IDO2: variants seen among roughly 807,000 people sequenced by gnomAD.
IDO2 encodes the protein indoleamine 2,3-dioxygenase-like 1 protein.
Under a neutral mutation model 45.1 loss-of-function variants are expected in IDO2, and 46 were observed. That is an observed-to-expected ratio of 1.02 (90% CI 0.80 to 1.30). The LOEUF is 1.30. Ranked by LOEUF, IDO2 falls within the 50% of genes most tolerant of loss-of-function variation. The pLI is 0.00. For synonymous variants in IDO2, 218 were observed against 184.9 expected, an observed-to-expected ratio of 1.18 and a Z score of -1.45; for missense variants, 544 against 491.8, an observed-to-expected ratio of 1.11 and a Z score of -1.00.
intron 9 of IDO2, among the ~76,000 whole-genome samples, chr8:40,009,176 G>C (rs555588997): frequency 6.6e-6 from 1 of 152,046 alleles, no homozygotes; most frequent in Non-Finnish European, 1.5e-5. Context: ...CACAGTGCCC[G>C]GCTAATTTTT....
At chr8:39,940,938 A>G (rs1177430271) in intron 1 of IDO2, among the ~76,000 whole-genome samples, 1 of 151,676 alleles carries the variant, frequency 6.6e-6, no homozygotes, top group Non-Finnish European at 1.5e-5. Context: ...TGAAAAAAAA[A>G]AAAAACTTTG....
At chr8:39,972,301 G>A (rs1808190593) in intron 3 of IDO2, among the ~76,000 whole-genome samples, 1 of 152,184 alleles carries the variant, frequency 6.6e-6, no homozygotes, top group Admixed American at 6.5e-5. Context: ...GGGTTTGAGA[G>A]GATTAACTGC....
intron 5 of IDO2, among the ~76,000 whole-genome samples, chr8:39,983,532 G>A (rs1365047287): frequency 6.6e-6 from 1 of 152,104 alleles, no homozygotes; most frequent in Non-Finnish European, 1.5e-5. Context: ...ACTTAAAAGG[G>A]TTACATATTT....
intron 5 of IDO2, among the ~76,000 whole-genome samples, chr8:39,983,792 G>A (rs2129594549): frequency 6.6e-6 from 1 of 152,142 alleles, no homozygotes; most frequent in East Asian, 1.9e-4. Flanking sequence ...CTTGAACGAA[G>A]GAAGTAGAGG....
At chr8:40,012,876 T>A (rs1232356932) in intron 9 of IDO2, among the ~76,000 whole-genome samples, 1 of 152,208 alleles carries the variant, frequency 6.6e-6, no homozygotes, top group Non-Finnish European at 1.5e-5. Context: ...AGGCTTACTC[T>A]GTGCTTCCTG....
At chr8:39,994,745 A>G (rs1449562635) in intron 8 of IDO2, among the ~76,000 whole-genome samples, 1 of 152,080 alleles carries the variant, frequency 6.6e-6, no homozygotes, top group African/African-American at 2.4e-5. Context: ...TCCTTCAGAA[A>G]TGACATTTAC....
intron 8 of IDO2, among the ~76,000 whole-genome samples, chr8:39,996,901 C>T (rs1469663476): frequency 6.6e-6 from 1 of 152,190 alleles, no homozygotes; most frequent in African/African-American, 2.4e-5. Context: ...ATAACTAAAA[C>T]TACATTAACA....
intron 8 of IDO2, among the ~76,000 whole-genome samples, chr8:39,993,221 CAT>C (rs953331694): frequency 4.1e-4 from 62 of 152,118 alleles, no homozygotes; most frequent in Middle Eastern, 3.4e-3. Flanking sequence ...ATTATTAAGA[CAT>C]GTGTTTTTTT....
chr8:39,968,978 C>T (rs888045157), intron 3 of IDO2, among the ~76,000 whole-genome samples: 6 of 151,150 alleles, frequency 4.0e-5, no homozygotes, highest in Non-Finnish European at 5.9e-5. Flanking sequence ...GGGAAAGGAA[C>T]GGACTTAAAT....
intron 10 of IDO2, 31 bp from the exon 11 acceptor site, chr8:40,015,216 C>G: frequency 8.1e-7 from 1 of 1,228,778 alleles, no homozygotes. Context: ...CCATGTGGAG[C>G]TATGACGTTA....
chr8:40,009,408 C>T (rs1195453746), intron 9 of IDO2, among the ~76,000 whole-genome samples: 6 of 150,668 alleles, frequency 4.0e-5, no homozygotes, highest in Non-Finnish European at 8.8e-5. Flanking sequence ...TTCCCACACA[C>T]ATTCAATTTC....
At chr8:40,004,568 C>CGATGGATA (rs1554549500) in intron 8 of IDO2, among the ~76,000 whole-genome samples, 1 of 148,902 alleles carries the variant, frequency 6.7e-6, no homozygotes, top group Non-Finnish European at 1.5e-5. Context: ...GATAGATAGA[C>CGATGGATA]GATAGATAGA....
intron 3 of IDO2, among the ~76,000 whole-genome samples, chr8:39,968,905 A>C (rs1019391356): frequency 6.6e-6 from 1 of 152,052 alleles, no homozygotes; most frequent in African/African-American, 2.4e-5. Context: ...AAAAAAAACA[A>C]ACAACAACAC....
At chr8:39,959,791 A>G (rs1384237194) in intron 2 of IDO2, among the ~76,000 whole-genome samples, 2 of 152,216 alleles carry the variant, frequency 1.3e-5, no homozygotes, top group African/African-American at 4.8e-5. Flanking sequence ...CAGCCTGAGC[A>G]ATAGGGTGAA....
chr8:40,000,955 T>G (rs1025632108), intron 8 of IDO2, among the ~76,000 whole-genome samples: 1 of 152,188 alleles, frequency 6.6e-6, no homozygotes, highest in African/African-American at 2.4e-5. Context: ...TTCATCATGG[T>G]TTTACTTTGC....
In IDO2 at chr8:40,015,123, C is replaced by A. The variant is rs561173371; in HGVS notation, c.869-124C>A. On this transcript the variant is annotated intron_variant, in intron 10 of 10. Coordinates refer to ENST00000502986, the Ensembl canonical transcript of IDO2. ...TAAGCTGAGATCACACCACTGCACT[C>A]CAGCCTGGGCAACAGAGCAAGATCT... 1.3e-4 allele frequency: 85 copies of A among 630,416 alleles called. No individual in the cohort carries two copies. The South Asian group carries it at 1.7e-3, about 13-fold the overall frequency. 39.1% of individuals were successfully genotyped at this position (630,416 alleles called of 1,614,324 possible).
intron 9 of IDO2, among the ~76,000 whole-genome samples, chr8:40,005,671 C>T (rs1400900834): frequency 6.6e-6 from 1 of 152,190 alleles, no homozygotes; most frequent in Admixed American, 6.5e-5. Context: ...GTCACTCACA[C>T]AGTTCTATCA....
chr8:39,950,501 A>C (rs1442615362), intron 2 of IDO2, among the ~76,000 whole-genome samples: 1 of 152,202 alleles, frequency 6.6e-6, no homozygotes, highest in East Asian at 1.9e-4. Context: ...GTTGGGAATG[A>C]AGTTTTTGGT....
chr8:39,974,965 T>C (rs1361576479), intron 3 of IDO2, among the ~76,000 whole-genome samples: 1 of 151,456 alleles, frequency 6.6e-6, no homozygotes, highest in Non-Finnish European at 1.5e-5. Context: ...CAAAATTAGC[T>C]GGGTGTGGTG....
Sources: gnomAD v4.1 joint callset for allele counts (sites outside exome capture counted in the v4.1 genomes callset) on GRCh38, gnomAD v4.1.1 for gene constraint, MANE v1.5 for transcripts, NCBI Gene and HGNC (gene_info 2026-07-23, HGNC 2026-07-21) for gene names.